Variants in BRD10 observed in about 807,000 individuals in gnomAD.
The protein encoded by BRD10 is bromodomain containing 10.
At chr9:5,979,831 C>G in the BRD10 span, among the ~76,000 whole-genome samples, 2 of 151,796 alleles carry the variant, frequency 1.3e-5, no homozygotes, top group African/African-American at 4.8e-5. Context: ...GCCTGGGCAA[C>G]ATGGTGAAAT....
At chr9:5,971,549 G>A in the BRD10 span, among the ~76,000 whole-genome samples, 1 of 152,062 alleles carries the variant, frequency 6.6e-6, no homozygotes, top group Admixed American at 6.6e-5. Flanking sequence ...CACTACTTTG[G>A]CAAATATCAC....
the BRD10 span, among the ~76,000 whole-genome samples, chr9:5,938,780 T>G: frequency 6.6e-6 from 1 of 152,220 alleles, no homozygotes; most frequent in African/African-American, 2.4e-5. Context: ...TCAGTTTTGT[T>G]AACCATTAAC....
the BRD10 span, among the ~76,000 whole-genome samples, chr9:5,911,695 C>A: frequency 1.3e-5 from 2 of 151,732 alleles, no homozygotes; most frequent in African/African-American, 4.8e-5. Flanking sequence ...CCCCCATGCC[C>A]AGCTAATTTT....
At chr9:5,992,858 T>C in the BRD10 span, among the ~76,000 whole-genome samples, 3 of 152,108 alleles carry the variant, frequency 2.0e-5, no homozygotes, top group African/African-American at 4.8e-5. Context: ...GCTTTACTTA[T>C]AGTTAACATA....
At chr9:5,917,252 G>A in the BRD10 span, among the ~76,000 whole-genome samples, 1 of 152,170 alleles carries the variant, frequency 6.6e-6, no homozygotes, top group Non-Finnish European at 1.5e-5. Context: ...TGCTGGCTGA[G>A]GTATGACAAG....
chr9:5,955,757 T>C, the BRD10 span, among the ~76,000 whole-genome samples: 4 of 152,214 alleles, frequency 2.6e-5, no homozygotes, highest in African/African-American at 9.6e-5. Context: ...TTATTCACCA[T>C]TGTTATTTAC....
chr9:5,978,089 A>G, the BRD10 span, among the ~76,000 whole-genome samples: 2 of 152,310 alleles, frequency 1.3e-5, no homozygotes, highest in Non-Finnish European at 2.9e-5. Context: ...AACAATACTG[A>G]ATAAACAAGA....
chr9:5,927,823 T>C, the BRD10 span, among the ~76,000 whole-genome samples: 1 of 152,214 alleles, frequency 6.6e-6, no homozygotes, highest in South Asian at 2.1e-4. Context: ...GAAGGTCTAA[T>C]GCTCGCTTTT....
the BRD10 span, among the ~76,000 whole-genome samples, chr9:5,937,130 T>C: frequency 2.0e-5 from 3 of 150,568 alleles, no homozygotes; most frequent in Non-Finnish European, 4.4e-5. Flanking sequence ...CTCAGGAGGC[T>C]GAGGCAGGAG....
At chr9:5,947,076 T>C in the BRD10 span, among the ~76,000 whole-genome samples, 2 of 152,110 alleles carry the variant, frequency 1.3e-5, no homozygotes, top group African/African-American at 4.8e-5. Flanking sequence ...TTATGTTCCA[T>C]TTAAAGCAAG....
chr9:5,994,720 C>T, the BRD10 span, among the ~76,000 whole-genome samples: 9 of 152,076 alleles, frequency 5.9e-5, no homozygotes, highest in Admixed American at 5.9e-4. Flanking sequence ...TAAATCTCAG[C>T]CAAAGGCCCC....
At chr9:5,939,614 G>A in the BRD10 span, among the ~76,000 whole-genome samples, 35 of 152,294 alleles carry the variant, frequency 2.3e-4, no homozygotes, top group African/African-American at 7.9e-4. Context: ...TGATTTCAGT[G>A]ATTTCTACCT....
chr9:5,948,608 G>C, the BRD10 span, among the ~76,000 whole-genome samples: 1 of 151,510 alleles, frequency 6.6e-6, no homozygotes, highest in Non-Finnish European at 1.5e-5. Flanking sequence ...AAATTCAATA[G>C]GTCTAAAAGA....
At chr9:5,985,044 C>T in the BRD10 span, among the ~76,000 whole-genome samples, 1 of 151,704 alleles carries the variant, frequency 6.6e-6, no homozygotes, top group Admixed American at 6.6e-5. Context: ...CAATATAGTG[C>T]TAACATAAAG....
At chr9:5,923,949 A>T in the BRD10 span, among the ~76,000 whole-genome samples, 4 of 152,202 alleles carry the variant, frequency 2.6e-5, no homozygotes, top group Non-Finnish European at 4.4e-5. Context: ...GATTTACATA[A>T]CGTAATCTGA....
At chr9:5,987,199 C>T in the BRD10 span, among the ~76,000 whole-genome samples, 5 of 152,234 alleles carry the variant, frequency 3.3e-5, no homozygotes, top group East Asian at 7.7e-4. Flanking sequence ...GTTTATATCA[C>T]TACTATTATT....
At chr9:5,943,162 C>T in the BRD10 span, among the ~76,000 whole-genome samples, 1 of 152,182 alleles carries the variant, frequency 6.6e-6, no homozygotes, top group Non-Finnish European at 1.5e-5. Context: ...TAGGCCTGAG[C>T]CACTACGCCT....
At chr9:5,941,009 C>T in the BRD10 span, among the ~76,000 whole-genome samples, 1 of 151,794 alleles carries the variant, frequency 6.6e-6, no homozygotes, top group African/African-American at 2.4e-5. Flanking sequence ...TTCCTCATAC[C>T]CAATCTCTAC....
chr9:5,931,031 A>AAT, the BRD10 span, among the ~76,000 whole-genome samples: 2 of 152,224 alleles, frequency 1.3e-5, no homozygotes, highest in African/African-American at 2.4e-5. Context: ...AGAGAGAAGA[A>AAT]AGAGGAAAGA....
Sources: gnomAD v4.1 joint callset for allele counts (sites outside exome capture counted in the v4.1 genomes callset) on GRCh38, gnomAD v4.1.1 for gene constraint, MANE v1.5 for transcripts, NCBI Gene and HGNC (gene_info 2026-07-23, HGNC 2026-07-21) for gene names.